Variants in TRIM5 observed in about 807,000 individuals in gnomAD.
The protein encoded by TRIM5 is tripartite motif containing 5.
TRIM5 carries 31 observed loss-of-function variants against 35.6 expected under a neutral mutation model. That is an observed-to-expected ratio of 0.87 (90% CI 0.65 to 1.18). TRIM5 has a LOEUF of 1.18. Among genes scored for constraint, TRIM5 ranks in the 50% most tolerant of loss-of-function variants. The probability of loss-of-function intolerance (pLI) is 0.00; values close to 1 mark genes in which losing one functional copy is unlikely to be tolerated. For synonymous variants in TRIM5, 243 were observed against 215.6 expected (o/e 1.13, Z -1.11); for missense variants, 609 against 591.6 (o/e 1.03, Z -0.31).
intron 1 of TRIM5, among the ~76,000 whole-genome samples, chr11:5,681,734 ACT>A (rs542435766): frequency 1.8e-5 from 2 of 111,558 alleles, no homozygotes; most frequent in African/African-American, 8.9e-5. Context: ...CCTGGGCAAA[ACT>A]CTCAGTGGGC....
rs759800779 is a variant in TRIM5 at position 5,679,733 on chromosome 11, C to T, written c.417+28G>A. 9.8e-6 allele frequency: 15 copies of T among 1,527,866 alleles called. No individual in the cohort carries two copies. The South Asian group carries it at 1.3e-4, about 13-fold the overall frequency. 94.6% of individuals were successfully genotyped at this position (1,527,866 alleles called of 1,614,324 possible). A position where few individuals can be genotyped will look rare whatever the true frequency, so the allele number is the denominator to read the frequency against. ...TTTCCATCTGGTCCCATTTTCTGCC[C>T]TCTCTTCCTTCCATCCCAGTCTCTT... On this transcript the variant is annotated intron_variant, in intron 2 of 7. Transcript: ENST00000380034.
intron 4 of TRIM5, among the ~76,000 whole-genome samples, 167 bp from the exon 5 acceptor site, chr11:5,667,878 A>G (rs1033446739): frequency 6.6e-6 from 1 of 152,118 alleles, no homozygotes; most frequent in Non-Finnish European, 1.5e-5. Flanking sequence ...CAGAAGACTC[A>G]TGTGAGATTT....
chr11:5,665,478 A>G, intron 7 of TRIM5, 83 bp from the exon 8 acceptor site: 1 of 1,544,766 alleles, frequency 6.5e-7, no homozygotes, highest in Non-Finnish European at 8.7e-7. Context: ...AAGACTTGAG[A>G]GAAAACTGGG....
At chr11:5,665,516 G>A in intron 7 of TRIM5, 121 bp from the exon 8 acceptor site, 1 of 1,551,914 alleles carries the variant, frequency 6.4e-7, no homozygotes, top group East Asian at 2.2e-5. Context: ...GTTATAAGGA[G>A]GGGTAAGTTA....
At chr11:5,643,969 TA>T in the TRIM5 span, 3 of 511,298 alleles carry the variant, frequency 5.9e-6, no homozygotes, top group Non-Finnish European at 1.0e-5. Flanking sequence ...CCTTCCCATT[TA>T]TCCATGTTTC....
chr11:5,593,280 T>C, the TRIM5 span, among the ~76,000 whole-genome samples: 9 of 152,252 alleles, frequency 5.9e-5, no homozygotes, highest in Admixed American at 2.0e-4. Context: ...TACTTTTTTC[T>C]TTTCTTTTGT....
chr11:5,609,342 T>C, the TRIM5 span, among the ~76,000 whole-genome samples: 1 of 152,186 alleles, frequency 6.6e-6, no homozygotes, highest in African/African-American at 2.4e-5. Context: ...AAATGCTGTT[T>C]TGAAGGTTTT....
the TRIM5 span, chr11:5,632,146 A>T: frequency 6.8e-7 from 1 of 1,459,892 alleles, no homozygotes; most frequent in South Asian, 1.5e-5. Context: ...TCTCTTCCTC[A>T]TCTTCTTTGT....
chr11:5,633,530 A>G, the TRIM5 span, among the ~76,000 whole-genome samples: 1 of 152,316 alleles, frequency 6.6e-6, no homozygotes, highest in East Asian at 1.9e-4. Context: ...AAGAGCATTG[A>G]TAAGAGGAAA....
chr11:5,634,563 C>A, the TRIM5 span: 1 of 1,327,578 alleles, frequency 7.5e-7, no homozygotes, highest in Non-Finnish European at 1.0e-6. Context: ...CTACTGGCTC[C>A]TAATCCCTTG....
the TRIM5 span, chr11:5,590,174 C>T: frequency 1.5e-4 from 23 of 157,448 alleles, no homozygotes; most frequent in Middle Eastern, 3.1e-3. Flanking sequence ...CCTCCATGGG[C>T]TCCTGTGCGG....
chr11:5,657,309 G>C, the TRIM5 span, among the ~76,000 whole-genome samples: 1 of 151,486 alleles, frequency 6.6e-6, no homozygotes, highest in African/African-American at 2.4e-5. Context: ...CAGGGCCTTC[G>C]ATGGGTGGGG....
chr11:5,610,316 C>T, the TRIM5 span: 1 of 1,604,388 alleles, frequency 6.2e-7, no homozygotes, highest in Non-Finnish European at 8.5e-7. Flanking sequence ...GGGATAGAGG[C>T]TATAGTCGGT....
intron 3 of TRIM5, 81 bp from the exon 4 acceptor site, chr11:5,678,515 G>T: frequency 8.3e-7 from 1 of 1,203,846 alleles, no homozygotes. Flanking sequence ...GTTTCTTTTG[G>T]GGAGTTCTCA....
chr11:5,664,004 C>T lies in TRIM5; in HGVS notation c.*805G>A, dbSNP rs571697587. The T allele has an allele frequency of 9.8e-4, 157 of 159,742 alleles. 1 individual carries two copies. The highest frequency in any genetic ancestry group is 1.2e-3 in the Non-Finnish European group (89 of 74,898). 9.9% of individuals were successfully genotyped at this position (159,742 alleles called of 1,614,324 possible). A position where few individuals can be genotyped will look rare whatever the true frequency, so the allele number is the denominator to read the frequency against. On this transcript the variant is annotated 3_prime_UTR_variant, in exon 8 of 8. Coordinates refer to ENST00000380034, the MANE Select transcript of TRIM5 (RefSeq NM_033034.3). ...ATCACCTGAGGTCAGAGGTTCTAGA[C>T]GAGCCTAACCAACATGGGGAAACCC...
At chr11:5,617,070 G>A in the TRIM5 span, among the ~76,000 whole-genome samples, 1 of 140,498 alleles carries the variant, frequency 7.1e-6, no homozygotes, top group Non-Finnish European at 1.5e-5. Context: ...TGCAAGCTTA[G>A]GTACAGGCTC....
At chr11:5,615,822 A>G in the TRIM5 span, among the ~76,000 whole-genome samples, 1 of 151,208 alleles carries the variant, frequency 6.6e-6, no homozygotes. Flanking sequence ...CGAACTCCTG[A>G]CCTCAGGTGA....
chr11:5,604,976 A>C, the TRIM5 span, among the ~76,000 whole-genome samples: 2 of 152,176 alleles, frequency 1.3e-5, no homozygotes, highest in Non-Finnish European at 2.9e-5. Flanking sequence ...CTTGTGAAGA[A>C]GCCCAGATCT....
downstream of TRIM5, among the ~76,000 whole-genome samples, chr11:5,660,648 G>T (rs748625230): frequency 7.2e-5 from 11 of 151,940 alleles, no homozygotes; most frequent in Non-Finnish European, 1.3e-4. Context: ...CAAACTGCCG[G>T]ATTTTTTTTT....
Sources: gnomAD v4.1 joint callset for allele counts (sites outside exome capture counted in the v4.1 genomes callset) on GRCh38, gnomAD v4.1.1 for gene constraint, MANE v1.5 for transcripts, NCBI Gene and HGNC (gene_info 2026-07-23, HGNC 2026-07-21) for gene names.